The following PLEKHG7 variants were observed in gnomAD, a reference collection of about 807,000 sequenced individuals.
PLEKHG7 encodes the protein pleckstrin homology and RhoGEF domain containing G7.
Under a neutral mutation model 85.2 loss-of-function variants are expected in PLEKHG7, and 77 were observed. The ratio of observed to expected loss-of-function variants is 0.90; its 90% CI spans 0.75 to 1.09. The LOEUF (loss-of-function observed/expected upper bound fraction) is 1.09, where lower values mean the gene tolerates loss of function less well. PLEKHG7 is among the 50% of genes least tolerant of loss of function. The pLI is 0.00. For synonymous variants in PLEKHG7, 301 were observed against 302.4 expected, an observed-to-expected ratio of 1.00 and a Z score of 0.05; for missense variants, 777 against 804.3, an observed-to-expected ratio of 0.97 and a Z score of 0.41.
intron 3 of PLEKHG7, chr12:92,708,209 T>G (rs1158544516): frequency 6.6e-6 from 1 of 152,592 alleles, no homozygotes; most frequent in Non-Finnish European, 1.5e-5. Context: ...CTGACAGGGA[T>G]GAAGAGTTTC....
At chr12:92,725,222 C>T (rs1871759656) in intron 3 of PLEKHG7, among the ~76,000 whole-genome samples, 3 of 152,076 alleles carry the variant, frequency 2.0e-5, no homozygotes, top group Admixed American at 6.6e-5. Flanking sequence ...CTGGGAAGCA[C>T]CATTTTGTAT....
chr12:92,721,372 G>C, intron 3 of PLEKHG7: 1 of 1,023,946 alleles, frequency 9.8e-7, no homozygotes, highest in East Asian at 3.3e-5. Flanking sequence ...GCTCTGAATT[G>C]TTGCTTTCTC....
At chr12:92,752,069 C>T (rs970152254) in intron 10 of PLEKHG7, among the ~76,000 whole-genome samples, 8 of 151,484 alleles carry the variant, frequency 5.3e-5, no homozygotes, top group Admixed American at 2.0e-4. Context: ...AGAGTGAGAC[C>T]CCACCTCACC....
chr12:92,750,017 A>ATTTTATTTTT (rs1872649599), intron 10 of PLEKHG7, among the ~76,000 whole-genome samples: 1 of 106,620 alleles, frequency 9.4e-6, no homozygotes, highest in African/African-American at 3.7e-5. Context: ...ATTTTATTTT[A>ATTTTATTTTT]TTTTATTTTA....
Position 92,736,533 on chromosome 12 carries a change from G to T in PLEKHG7, c.751G>T (p.Val251Leu). The part of the protein sequence containing the change: ...ISDLENCLSS[V>L]KITSFRGYDF... The stretch of plus-strand genomic sequence containing the variant: ...TGATCTGGAAAACTGCCTGTCCTCT[G>T]TGAAAATTACCAGCTTCAGGGGCTA... The change falls in exon 6 of 17, where the codon GTG (valine) becomes TTG (leucine). Residue 251 changes from valine (V) to leucine (L), a missense_variant. Val to Leu is a conservative substitution (Grantham distance 32, BLOSUM62 1). Coordinates refer to ENST00000344636, the MANE Select transcript of PLEKHG7 (RefSeq NM_001377329.1). 8.1e-7 allele frequency: 1 copy of T among 1,231,932 alleles called. No individual in the cohort carries two copies. The allele number at this position is 1,231,932 out of a possible 1,614,324, so 76.3% of individuals were successfully genotyped here.
intron 16 of PLEKHG7, 70 bp downstream of exon 16, chr12:92,769,150 T>C: frequency 8.6e-7 from 1 of 1,162,860 alleles, no homozygotes. Context: ...GTGTCTTAAG[T>C]AACAGTGAAT....
Position 92,741,517 on chromosome 12 carries a change from C to G in PLEKHG7, c.1062C>G (p.Leu354=). ...CAAGCCTTGGTTTTGTGAACAGTCTCTTTGGCATCATCAAGGACTATGTAG... is the reference window on the plus strand; with the variant it reads ...CAAGCCTTGGTTTTGTGAACAGTCTGTTTGGCATCATCAAGGACTATGTAG... The part of the protein sequence containing the change: ...TQTSLGFVNS[L]FGIIKDYVDA... The change falls in exon 9 of 17, where the codon CTC becomes CTG. Residue 354 remains leucine, a synonymous_variant. Transcript: ENST00000344636. The G allele has an allele frequency of 1.9e-6, 3 of 1,612,724 alleles. No individual in the cohort carries two copies. In the African/African-American group the frequency reaches 4.0e-5, roughly 22 times the overall value.
chr12:92,743,910 A>T (rs1385123262), intron 9 of PLEKHG7, among the ~76,000 whole-genome samples: 1 of 152,046 alleles, frequency 6.6e-6, no homozygotes, highest in Non-Finnish European at 1.5e-5. Flanking sequence ...CCTAGTTCCA[A>T]CATTTCTCAA....
At chr12:92,703,718 A>T (rs778969580) in intron 1 of PLEKHG7, among the ~76,000 whole-genome samples, 15 of 152,232 alleles carry the variant, frequency 9.9e-5, no homozygotes, top group South Asian at 4.1e-4. Context: ...CTGTTTTTAA[A>T]GTTTCTCCAT....
At chr12:92,729,148 C>G (rs930743762) in intron 4 of PLEKHG7, 28 bp downstream of exon 4, 29 of 1,231,302 alleles carry the variant, frequency 2.4e-5, no homozygotes, top group African/African-American at 1.9e-4. Flanking sequence ...TACTTTCATT[C>G]CATGCCCACT....
At chr12:92,745,007 T>G (rs766193246) in intron 9 of PLEKHG7, among the ~76,000 whole-genome samples, 4 of 152,140 alleles carry the variant, frequency 2.6e-5, no homozygotes, top group East Asian at 1.9e-4. Context: ...GCCAGCAAAA[T>G]TAAATGCATG....
At chr12:92,755,197 G>A (rs1872794327) in intron 11 of PLEKHG7, among the ~76,000 whole-genome samples, 2 of 152,296 alleles carry the variant, frequency 1.3e-5, no homozygotes, top group Admixed American at 6.5e-5. Context: ...TCATTGTTGA[G>A]GGAAGAGATT....
intron 12 of PLEKHG7, 87 bp downstream of exon 12, chr12:92,756,027 T>C: frequency 1.1e-6 from 1 of 888,734 alleles, no homozygotes; most frequent in Admixed American, 2.4e-5. Flanking sequence ...GATGTCCCCA[T>C]CTGTCCACTT....
chr12:92,715,735 A>T (rs903409165), intron 3 of PLEKHG7, among the ~76,000 whole-genome samples: 19 of 151,936 alleles, frequency 1.3e-4, no homozygotes, highest in African/African-American at 4.6e-4. Context: ...AAAAAAAAAA[A>T]AAAGGCCTAT....
intron 2 of PLEKHG7, chr12:92,707,416 C>T: frequency 4.9e-6 from 7 of 1,431,366 alleles, no homozygotes; most frequent in Non-Finnish European, 6.4e-6. Context: ...GATGGTCTGT[C>T]AGGTACCCGA....
intron 9 of PLEKHG7, among the ~76,000 whole-genome samples, chr12:92,742,912 T>C (rs1366182914): frequency 2.6e-5 from 4 of 152,146 alleles, no homozygotes; most frequent in Non-Finnish European, 5.9e-5. Flanking sequence ...CATCAAAACA[T>C]GTAAGTATAC....
intron 13 of PLEKHG7, 81 bp from the exon 14 acceptor site, chr12:92,761,666 GAAAGA>G (rs1203405869): frequency 3.0e-6 from 4 of 1,341,076 alleles, no homozygotes; most frequent in South Asian, 3.6e-5. Context: ...AAGAAAGAAA[GAAAGA>G]AAGAAAGAAA....
chr12:92,722,315 G>A (rs1871672298), intron 3 of PLEKHG7, among the ~76,000 whole-genome samples: 1 of 152,150 alleles, frequency 6.6e-6, no homozygotes, highest in Admixed American at 6.5e-5. Context: ...ACCAATCCAT[G>A]TCTCTTCATG....
At position 92,724,517 on chromosome 12, in the gene PLEKHG7, G is replaced by A. The variant is rs182371443; in HGVS notation, c.531-4476G>A. 1.4e-3 allele frequency among the ~76,000 whole-genome samples: 207 copies of A among 152,300 alleles called. 1 individual carries two copies. Among genetic ancestry groups the A allele is most frequent in the Non-Finnish European group, 9.1e-4 (62 of 68,028 alleles). On this transcript the variant is annotated intron_variant, in intron 3 of 16. Coordinates refer to ENST00000344636, the MANE Select transcript of PLEKHG7 (RefSeq NM_001377329.1). ...TGAGAGATCTGTGTCAGTAAGGATAGCATTTGCCTGGATGTCACAGAACCC... is the reference window on the plus strand; with the variant it reads ...TGAGAGATCTGTGTCAGTAAGGATAACATTTGCCTGGATGTCACAGAACCC...
Sources: allele counts gnomAD v4.1 joint callset (sites outside exome capture counted in the v4.1 genomes callset), GRCh38; gene constraint gnomAD v4.1.1; transcripts MANE v1.5; gene names NCBI Gene and HGNC (gene_info 2026-07-23, HGNC 2026-07-21).